Variants in GALC observed in about 807,000 individuals in gnomAD.
GALC encodes the protein galactosylceramidase.
Under a neutral mutation model 91.8 loss-of-function variants are expected in GALC, and 77 were observed. The observed-to-expected ratio is 0.84, with a 90% CI of 0.70 to 1.01. The LOEUF (loss-of-function observed/expected upper bound fraction) is 1.01, where lower values mean the gene tolerates loss of function less well. Ranked by LOEUF, GALC falls within the 50% of genes least tolerant of loss-of-function variation. GALC has a pLI of 0.00. For synonymous variants in GALC, 357 were observed against 306.7 expected (o/e 1.16, Z -1.71); for missense variants, 882 against 855.9 (o/e 1.03, Z -0.38).
chr14:87,945,794 G>T, intron 13 of GALC, 61 bp from the exon 14 acceptor site: 1 of 1,285,588 alleles, frequency 7.8e-7, no homozygotes, highest in Non-Finnish European at 1.1e-6. Flanking sequence ...TCTCCTTGCT[G>T]ATATTTTATA....
chr14:87,935,312 A>C (rs768760230), intron 16 of GALC, among the ~76,000 whole-genome samples: 1 of 152,108 alleles, frequency 6.6e-6, no homozygotes, highest in Admixed American at 6.6e-5. Context: ...CTTCTACCTC[A>C]TTGCTTCCTT....
chr14:87,960,081 G>A (rs925732942), intron 10 of GALC, among the ~76,000 whole-genome samples: 13 of 152,116 alleles, frequency 8.5e-5, no homozygotes, highest in African/African-American at 2.9e-4. Flanking sequence ...AAAAAAAGAA[G>A]AGTTGATATC....
chr14:87,953,823 T>TTA, intron 10 of GALC: 2 of 1,608,734 alleles, frequency 1.2e-6, no homozygotes, highest in South Asian at 1.1e-5. Flanking sequence ...GTATGATTGT[T>TTA]TAGTCATGGT....
intron 7 of GALC, among the ~76,000 whole-genome samples, chr14:87,974,494 C>T (rs116628302): frequency 0.012 from 1,839 of 152,110 alleles, 45 homozygotes; most frequent in African/African-American, 0.041. Context: ...CAAAAACTGC[C>T]TAAGATTGAA....
intron 10 of GALC, chr14:87,954,714 A>G (rs1163709239): frequency 6.4e-7 from 1 of 1,551,782 alleles, no homozygotes; most frequent in African/African-American, 1.4e-5. Context: ...ACGGCAGCTC[A>G]GAAGATAGCT....
intron 6 of GALC, 34 bp from the exon 7 acceptor site, chr14:87,976,522 T>C: frequency 6.4e-7 from 1 of 1,567,662 alleles, no homozygotes; most frequent in Non-Finnish European, 8.8e-7. Flanking sequence ...TATGAAAGGA[T>C]ACAAATGAAT....
intron 8 of GALC, 107 bp from the exon 9 acceptor site, chr14:87,965,736 A>G: frequency 9.4e-7 from 1 of 1,066,858 alleles, no homozygotes; most frequent in Non-Finnish European, 1.4e-6. Flanking sequence ...ACATCTACAT[A>G]AATGACAATA....
In GALC at chr14:87,988,125, A is replaced by T. The variant is rs74337989; in HGVS notation, c.328+19T>A. On this transcript the variant is annotated intron_variant, in intron 3 of 16. Transcript: ENST00000261304. ...TTAAAATGTTGATGGGAGAAATCCT[A>T]TCTCCCAAATTCTCCTACCTGTTGT... 224,713 of 1,593,908 alleles carry T rather than the reference A, an allele frequency of 0.14. 17,218 individuals carry two copies. The highest frequency in any genetic ancestry group is 0.16 in the Middle Eastern group (964 of 6,016).
intron 9 of GALC, 126 bp downstream of exon 9, chr14:87,965,379 G>T: frequency 9.7e-7 from 1 of 1,029,182 alleles, no homozygotes; most frequent in Non-Finnish European, 1.5e-6. Flanking sequence ...GGCAAATCTT[G>T]CTTAAAACTT....
In GALC at chr14:87,950,000, A is replaced by G. The variant is rs1595198346; in HGVS notation, c.1252-69T>C. On this transcript the variant is annotated intron_variant, in intron 11 of 16. Transcript: ENST00000261304. ...ATCCTCTTTGAGGATTTCCAAAATC[A>G]GTACCAGCAAGAATGTACCAATGAC... is the stretch of plus-strand genomic sequence containing the variant. 8.8e-6 allele frequency: 7 copies of G among 794,724 alleles called. No individual in the cohort carries two copies. In the East Asian group the frequency reaches 1.5e-4, roughly 17 times the overall value. 49.2% of individuals were successfully genotyped at this position (794,724 alleles called of 1,614,324 possible).
chr14:87,973,251 G>C (rs1264492244), intron 7 of GALC, among the ~76,000 whole-genome samples: 1 of 152,112 alleles, frequency 6.6e-6, no homozygotes, highest in African/African-American at 2.4e-5. Context: ...AGCACTTTCT[G>C]AGACATTTAA....
intron 15 of GALC, among the ~76,000 whole-genome samples, chr14:87,940,216 G>A (rs1884776922): frequency 6.6e-6 from 1 of 151,902 alleles, no homozygotes; most frequent in South Asian, 2.1e-4. Flanking sequence ...CTATATGTGA[G>A]CTCACAACAG....
chr14:87,941,634 G>T, intron 14 of GALC, 76 bp from the exon 15 acceptor site: 1 of 1,027,494 alleles, frequency 9.7e-7, no homozygotes. Context: ...TCATTTCACA[G>T]CACATGCTTC....
At chr14:87,969,743 T>C (rs1316012306) in intron 7 of GALC, among the ~76,000 whole-genome samples, 1 of 152,208 alleles carries the variant, frequency 6.6e-6, no homozygotes, top group African/African-American at 2.4e-5. Context: ...AATTCCCTTT[T>C]AGGTCACAAA....
intron 7 of GALC, among the ~76,000 whole-genome samples, chr14:87,975,245 TG>T (rs1886445988): frequency 6.6e-6 from 1 of 152,014 alleles, no homozygotes; most frequent in Non-Finnish European, 1.5e-5. Flanking sequence ...ACACAAAGTT[TG>T]TAAGACAAAC....
intron 7 of GALC, 139 bp from the exon 8 acceptor site, chr14:87,968,629 G>C: frequency 1.2e-6 from 1 of 810,886 alleles, no homozygotes; most frequent in Non-Finnish European, 2.1e-6. Context: ...CTTCCAGGTA[G>C]ATAATGAATC....
chr14:87,972,732 A>G (rs977475777), intron 7 of GALC, among the ~76,000 whole-genome samples: 2 of 151,656 alleles, frequency 1.3e-5, no homozygotes, highest in Admixed American at 6.6e-5. Context: ...ATAGAATAGT[A>G]AGGATAAAAT....
chr14:87,956,924 T>G (rs116644409), intron 10 of GALC, among the ~76,000 whole-genome samples: 2,330 of 149,782 alleles, frequency 0.016, 57 homozygotes, highest in African/African-American at 0.055. Context: ...TATGCCAACA[T>G]CTATTGTTTT....
intron 6 of GALC, chr14:87,981,314 G>GA (rs1467376472): frequency 2.0e-5 from 3 of 152,270 alleles, no homozygotes; most frequent in Non-Finnish European, 4.4e-5. Context: ...GGAAAGGATG[G>GA]GAAGGAGGTG....
Sources: gnomAD v4.1 joint callset for allele counts (sites outside exome capture counted in the v4.1 genomes callset) on GRCh38, gnomAD v4.1.1 for gene constraint, MANE v1.5 for transcripts, NCBI Gene and HGNC (gene_info 2026-07-23, HGNC 2026-07-21) for gene names.